Variants in POLN observed in about 807,000 individuals in gnomAD.
POLN encodes the protein DNA polymerase N.
In POLN, 108 loss-of-function variants were observed where a neutral mutation model predicts 113.5. That is an observed-to-expected ratio of 0.95 (90% confidence interval 0.81 to 1.12). The LOEUF is 1.12. POLN is among the 50% of genes most tolerant of loss of function. The pLI is 0.00. For missense variants in POLN, 1,097 were observed against 1,077.1 expected (o/e 1.02, Z -0.26); for synonymous variants, 386 against 391.5 (o/e 0.99, Z 0.17).
Position 2,085,101 on chromosome 4 carries a change from TTTC to T in POLN, c.2197+509_2197+511del, listed in dbSNP as rs1416465443. ...AACATTTTTTGTCATTTTCTTAGGA[TTTC>T]TTTTTTTAATCCTAAATTATTAGGA... is the stretch of plus-strand genomic sequence containing the variant. On this transcript the variant is annotated intron_variant, in intron 21 of 25. Transcript: ENST00000511885. 3.3e-5 allele frequency among the ~76,000 whole-genome samples: 5 copies of T among 152,352 alleles called. No individual in the cohort carries two copies. In the South Asian group the frequency reaches 1.0e-3, roughly 32 times the overall value.
chr4:2,201,870 C>A (rs1030678841), intron 5 of POLN, among the ~76,000 whole-genome samples: 3 of 152,164 alleles, frequency 2.0e-5, no homozygotes, highest in Admixed American at 6.5e-5. Context: ...CTAGAAGGGA[C>A]TGGGGCCCTA....
intron 3 of POLN, among the ~76,000 whole-genome samples, chr4:2,214,332 A>T (rs1480504352): frequency 6.6e-6 from 1 of 152,224 alleles, no homozygotes; most frequent in African/African-American, 2.4e-5. Flanking sequence ...TATATACAAC[A>T]AAGATAGTAT....
intron 2 of POLN, among the ~76,000 whole-genome samples, chr4:2,233,910 A>G (rs984249029): frequency 2.1e-5 from 3 of 144,212 alleles, no homozygotes; most frequent in Non-Finnish European, 4.4e-5. Context: ...ATCTGGCCAT[A>G]TCAAAGGCAA....
At chr4:2,222,488 A>G (rs1377186004) in intron 3 of POLN, among the ~76,000 whole-genome samples, 1 of 152,188 alleles carries the variant, frequency 6.6e-6, no homozygotes, top group Non-Finnish European at 1.5e-5. Flanking sequence ...AGTGAGCCTG[A>G]TCAGACCTCC....
At chr4:2,135,284 C>A (rs1396975694) in intron 16 of POLN, among the ~76,000 whole-genome samples, 2 of 152,094 alleles carry the variant, frequency 1.3e-5, no homozygotes, top group Non-Finnish European at 2.9e-5. Context: ...AGGAAGCGGC[C>A]ACAGAACCAC....
intron 2 of POLN, among the ~76,000 whole-genome samples, chr4:2,237,641 T>G (rs1045657620): frequency 9.9e-5 from 15 of 152,150 alleles, no homozygotes; most frequent in Admixed American, 3.3e-4. Flanking sequence ...CTCTGAGACT[T>G]ATTTCCACAT....
At chr4:2,091,291 TG>T (rs1047376382) in intron 20 of POLN, among the ~76,000 whole-genome samples, 6 of 152,182 alleles carry the variant, frequency 3.9e-5, no homozygotes, top group African/African-American at 1.2e-4. Flanking sequence ...CTTTCTTCTA[TG>T]GAGCTGTCGG....
chr4:2,222,827 A>G (rs1734294829), intron 3 of POLN, among the ~76,000 whole-genome samples: 1 of 151,740 alleles, frequency 6.6e-6, no homozygotes, highest in Non-Finnish European at 1.5e-5. Context: ...TGCTCCCACT[A>G]GTAAGCCAGA....
intron 4 of POLN, among the ~76,000 whole-genome samples, chr4:2,211,473 G>A (rs923292089): frequency 4.6e-5 from 7 of 151,846 alleles, no homozygotes; most frequent in African/African-American, 1.5e-4. Context: ...AATATGTCAG[G>A]CAGTACAGAT....
At chr4:2,157,809 T>C (rs368470333) in intron 15 of POLN, 49 bp downstream of exon 15, 8 of 1,319,316 alleles carry the variant, frequency 6.1e-6, no homozygotes, top group East Asian at 5.0e-5. Context: ...TCTGAACTCA[T>C]ACAAAAACCA....
At chr4:2,178,855 G>A (rs894597519) in intron 8 of POLN, among the ~76,000 whole-genome samples, 9 of 152,086 alleles carry the variant, frequency 5.9e-5, no homozygotes, top group African/African-American at 1.9e-4. Flanking sequence ...CGAGTGATCG[G>A]CCCACCTTAG....
rs2108725095 is a variant in POLN at position 2,129,260 on chromosome 4, A to G, written c.1790-4T>C. The G allele has an allele frequency of 6.4e-7, 1 of 1,573,776 alleles. No individual in the cohort carries two copies. The highest frequency in any genetic ancestry group is 2.2e-5 in the East Asian group (1 of 44,636). On this transcript the variant is annotated splice_region_variant and splice_polypyrimidine_tract_variant and intron_variant, in intron 17 of 25. Transcript: ENST00000511885. ...GTGAGAATCTTGTCTTCTTTACCTGAATTGTTATTTCAAGAGCATTTAGTG... is the reference window on the plus strand; with the variant it reads ...GTGAGAATCTTGTCTTCTTTACCTGGATTGTTATTTCAAGAGCATTTAGTG...
chr4:2,236,049 T>C (rs988124779), intron 2 of POLN, among the ~76,000 whole-genome samples: 1 of 152,208 alleles, frequency 6.6e-6, no homozygotes, highest in African/African-American at 2.4e-5. Context: ...TGCACACTCA[T>C]CAAAACTATC....
intron 13 of POLN, among the ~76,000 whole-genome samples, chr4:2,167,366 G>GT (rs1232795422): frequency 2.6e-5 from 4 of 152,134 alleles, no homozygotes; most frequent in Non-Finnish European, 5.9e-5. Context: ...GCTTCCTTCA[G>GT]TTCGTTAGGG....
chr4:2,161,100 C>T (rs1732575190), intron 13 of POLN, among the ~76,000 whole-genome samples: 1 of 152,212 alleles, frequency 6.6e-6, no homozygotes, highest in Non-Finnish European at 1.5e-5. Context: ...AGAGGTGACA[C>T]CGCGCTGGCA....
At position 2,209,176 on chromosome 4, in the gene POLN, C is replaced by G. The variant is rs548211852; in HGVS notation, c.214-689G>C. Among the ~76,000 whole-genome samples the G allele has an allele frequency of 3.3e-5, 5 of 152,116 alleles. No individual in the cohort carries two copies. The East Asian group carries it at 9.7e-4, about 29-fold the overall frequency. On this transcript the variant is annotated intron_variant, in intron 4 of 25. Transcript: ENST00000511885. Reference sequence around the variant, plus strand: ...CAAAACTATTTAACAATATGTTAATCTATCTACTGAAAAAATGTTTTTGGG... The same window carrying G: ...CAAAACTATTTAACAATATGTTAATGTATCTACTGAAAAAATGTTTTTGGG...
chr4:2,234,016 T>A (rs1052221761), intron 2 of POLN, among the ~76,000 whole-genome samples: 1 of 151,520 alleles, frequency 6.6e-6, no homozygotes, highest in Non-Finnish European at 1.5e-5. Flanking sequence ...AAAAGCTATA[T>A]ACACAAAGAT....
At chr4:2,117,435 C>T (rs1278111297) in intron 19 of POLN, among the ~76,000 whole-genome samples, 2 of 152,204 alleles carry the variant, frequency 1.3e-5, no homozygotes, top group African/African-American at 4.8e-5. Flanking sequence ...CCATGGGTGA[C>T]AATCCAAAAT....
chr4:2,103,736 C>A (rs1032083929), intron 19 of POLN, among the ~76,000 whole-genome samples: 1 of 152,142 alleles, frequency 6.6e-6, no homozygotes, highest in Non-Finnish European at 1.5e-5. Context: ...ATAAAGGAAA[C>A]CCCATTGGAC....
Sources: gnomAD v4.1 joint callset for allele counts (sites outside exome capture counted in the v4.1 genomes callset) on GRCh38, gnomAD v4.1.1 for gene constraint, MANE v1.5 for transcripts, NCBI Gene and HGNC (gene_info 2026-07-23, HGNC 2026-07-21) for gene names.